STK40: variants seen among roughly 807,000 people sequenced by gnomAD.
The protein encoded by STK40 is serine/threonine kinase 40, also known as serine/threonine-protein kinase 40.
Under a neutral mutation model 47.9 loss-of-function variants are expected in STK40, and 13 were observed. The observed-to-expected ratio is 0.27, with a 90% CI of 0.18 to 0.43. The LOEUF is 0.43. Ranked by LOEUF, STK40 falls within the 20% of genes least tolerant of loss-of-function variation. The probability of loss-of-function intolerance (pLI) is 1.00; values close to 1 mark genes in which losing one functional copy is unlikely to be tolerated. For missense variants in STK40, 460 were observed against 595.1 expected, an observed-to-expected ratio of 0.77 and a Z score of 2.36; for synonymous variants, 225 against 243.2, an observed-to-expected ratio of 0.93 and a Z score of 0.69.
At chr1:36,363,933 C>T (rs1460068117) in intron 1 of STK40, among the ~76,000 whole-genome samples, 11 of 151,914 alleles carry the variant, frequency 7.2e-5, no homozygotes, top group Admixed American at 3.3e-4. Flanking sequence ...GGGAAGATCA[C>T]GAGGTCAGGA....
intron 7 of STK40, among the ~76,000 whole-genome samples, chr1:36,347,593 C>T (rs1570436663): frequency 6.6e-6 from 1 of 151,946 alleles, no homozygotes; most frequent in South Asian, 2.1e-4. Context: ...GAGTCACGCT[C>T]AGCACAGTGT....
At chr1:36,369,332 T>A (rs565689171) in intron 1 of STK40, among the ~76,000 whole-genome samples, 2 of 152,290 alleles carry the variant, frequency 1.3e-5, no homozygotes, top group African/African-American at 4.8e-5. Flanking sequence ...CTCAGCCACC[T>A]GTGTAAGTGG....
chr1:36,355,337 G>A lies in STK40; in HGVS notation c.439C>T (p.His147Tyr). The A allele has an allele frequency of 6.2e-7, 1 of 1,614,162 alleles. No individual in the cohort carries two copies. The highest frequency in any genetic ancestry group is 8.5e-7 in the Non-Finnish European group (1 of 1,180,038). The change falls in exon 5 of 11, where the codon CAT (histidine) becomes TAT (tyrosine). Residue 147 changes from histidine (H) to tyrosine (Y), a missense_variant. Coordinates refer to ENST00000373132, the MANE Select transcript of STK40 (RefSeq NM_001282547.2). ...ICLVLDCLCA[H>Y]DFSDKTADLI... ...TCAGCGGTCTTATCGCTGAAGTCAT[G>A]AGCACAGAGGCAGTCCAGGACGAGG...
In STK40 at chr1:36,341,659, G is replaced by C; in HGVS notation, c.*96C>G. ...CCTGCCCTGTCCCTATTGTGGCCCG[G>C]GAGAGTCCAGCACTACAGGGCCCAG... On this transcript the variant is annotated 3_prime_UTR_variant, in exon 11 of 11. Coordinates refer to ENST00000373132, the MANE Select transcript of STK40 (RefSeq NM_001282547.2). 1 of 1,467,972 alleles carries C rather than the reference G, an allele frequency of 6.8e-7. No homozygotes were observed. The highest frequency in any genetic ancestry group is 9.3e-7 in the Non-Finnish European group (1 of 1,072,204). The allele number at this position is 1,467,972 out of a possible 1,614,324, so 90.9% of individuals were successfully genotyped here. A position where few individuals can be genotyped will look rare whatever the true frequency, so the allele number is the denominator to read the frequency against.
intron 1 of STK40, among the ~76,000 whole-genome samples, chr1:36,364,689 T>TG (rs1646886525): frequency 6.6e-6 from 1 of 152,054 alleles, no homozygotes; most frequent in African/African-American, 2.4e-5. Context: ...CTGGGTGCGG[T>TG]GGCTCATGCC....
Position 36,355,412 on chromosome 1 carries a change from C to T in STK40, c.364G>A (p.Glu122Lys). 1 of 1,614,190 alleles carries T rather than the reference C, an allele frequency of 6.2e-7. No homozygotes were observed. The change falls in exon 5 of 11, where the codon GAG becomes AAG. Residue 122 changes from glutamate (E) to lysine (K), a missense_variant. Transcript: ENST00000373132. ...ACCATCCGGCTGGATTCTGTGTCCT[C>T]AACGATTTCACAGGTGCGGTCCTGG... ...LFQDRTCEIV[E>K]DTESSRMVKK...
At chr1:36,366,408 C>A (rs137944204) in intron 1 of STK40, among the ~76,000 whole-genome samples, 1 of 152,320 alleles carries the variant, frequency 6.6e-6, no homozygotes, top group Non-Finnish European at 1.5e-5. Flanking sequence ...CTTCCTGCCA[C>A]CCCTTCATGC....
chr1:36,362,813 G>A (rs1324525137), intron 1 of STK40, among the ~76,000 whole-genome samples: 3 of 152,136 alleles, frequency 2.0e-5, no homozygotes, highest in African/African-American at 7.2e-5. Flanking sequence ...ACAAACATGT[G>A]GACCACACTG....
chr1:36,352,440 G>A (rs1471618150), intron 6 of STK40, among the ~76,000 whole-genome samples: 1 of 152,112 alleles, frequency 6.6e-6, no homozygotes, highest in Non-Finnish European at 1.5e-5. Context: ...GAAGTGCTTG[G>A]TACCTCAATA....
At chr1:36,358,658 G>A in intron 3 of STK40, 79 bp downstream of exon 3, 1 of 1,474,498 alleles carries the variant, frequency 6.8e-7, no homozygotes, top group Non-Finnish European at 9.4e-7. Flanking sequence ...TGACGCAGGT[G>A]TGAAGGTGGA....
At chr1:36,365,165 T>C (rs770474087) in intron 1 of STK40, among the ~76,000 whole-genome samples, 1 of 152,124 alleles carries the variant, frequency 6.6e-6, no homozygotes, top group Non-Finnish European at 1.5e-5. Context: ...TAATTTTGTA[T>C]TTTTAGTAGA....
Position 36,361,777 on chromosome 1 carries a change from C to G in STK40, c.-8-437G>C, listed in dbSNP as rs1419214442. Among the ~76,000 whole-genome samples the G allele has an allele frequency of 2.0e-5, 3 of 152,200 alleles. No homozygotes were observed. In the East Asian group the frequency reaches 5.8e-4, roughly 29 times the overall value. On this transcript the variant is annotated intron_variant, in intron 1 of 10. Coordinates refer to ENST00000373132, the MANE Select transcript of STK40 (RefSeq NM_001282547.2). Reference sequence around the variant, plus strand: ...AAAGTGAGACCTGCCCTCCAAATACCTACAGCCTAATGACCCGAGGTGCCC... The same window carrying G: ...AAAGTGAGACCTGCCCTCCAAATACGTACAGCCTAATGACCCGAGGTGCCC...
chr1:36,379,754 G>C (rs751781516), intron 1 of STK40, among the ~76,000 whole-genome samples: 15 of 152,076 alleles, frequency 9.9e-5, no homozygotes, highest in Non-Finnish European at 1.6e-4. Flanking sequence ...CAAAAGAACA[G>C]ATTCACTTGC....
chr1:36,364,925 GAGGAC>G (rs564688326), intron 1 of STK40, among the ~76,000 whole-genome samples: 58 of 151,816 alleles, frequency 3.8e-4, no homozygotes, highest in African/African-American at 1.4e-3. Flanking sequence ...CTCCTACTCT[GAGGAC>G]AGGTGTGTCT....
At chr1:36,364,665 G>T (rs1570455278) in intron 1 of STK40, among the ~76,000 whole-genome samples, 1 of 151,220 alleles carries the variant, frequency 6.6e-6, no homozygotes, top group Non-Finnish European at 1.5e-5. Flanking sequence ...AAAATAAAAA[G>T]AAATGGTTAA....
chr1:36,348,691 C>CACACG lies in STK40; in HGVS notation c.739+4_739+8dup, dbSNP rs1557507206. On this transcript the variant is annotated intron_variant, in intron 7 of 10. Coordinates refer to ENST00000373132, the MANE Select transcript of STK40 (RefSeq NM_001282547.2). Reference sequence around the variant, plus strand: ...GCTTAGAGGCCCAATGTCTGGCACACACACGTACCGCTGAGCACGTCGGGA... The same window carrying CACACG: ...GCTTAGAGGCCCAATGTCTGGCACACACACGACACGTACCGCTGAGCACGTCGGGA... The CACACG allele has an allele frequency of 4.5e-5, 72 of 1,595,898 alleles. No individual in the cohort carries two copies. Among genetic ancestry groups the CACACG allele is most frequent in the Non-Finnish European group, 5.7e-5 (67 of 1,170,966 alleles).
chr1:36,378,308 C>T (rs1647009163), intron 1 of STK40, among the ~76,000 whole-genome samples: 1 of 152,146 alleles, frequency 6.6e-6, no homozygotes, highest in Admixed American at 6.6e-5. Flanking sequence ...AGTTGGAAAT[C>T]CCAGCTCTGC....
At chr1:36,370,942 T>C (rs577361143) in intron 1 of STK40, among the ~76,000 whole-genome samples, 25 of 151,796 alleles carry the variant, frequency 1.6e-4, no homozygotes, top group Admixed American at 1.6e-3. Flanking sequence ...AGTGGCAAGA[T>C]GTCGGCTCAC....
chr1:36,358,684 T>A (rs1646826582), intron 3 of STK40, 53 bp downstream of exon 3: 1 of 1,582,012 alleles, frequency 6.3e-7, no homozygotes, highest in Non-Finnish European at 8.7e-7. Context: ...GAGGAGTGGG[T>A]TGGCATGACA....
Sources: gnomAD v4.1 joint callset for allele counts (sites outside exome capture counted in the v4.1 genomes callset) on GRCh38, gnomAD v4.1.1 for gene constraint, MANE v1.5 for transcripts, NCBI Gene and HGNC (gene_info 2026-07-23, HGNC 2026-07-21) for gene names.